Variants in ITGB5 observed in about 807,000 individuals in gnomAD.
The protein encoded by ITGB5 is integrin subunit beta 5, also known as integrin beta-5.
ITGB5 carries 38 observed loss-of-function variants against 84.8 expected under a neutral mutation model. The ratio of observed to expected loss-of-function variants is 0.45; its 90% CI spans 0.35 to 0.59. The LOEUF (loss-of-function observed/expected upper bound fraction) is 0.59. Among genes scored for constraint, ITGB5 ranks in the 20% least tolerant of loss-of-function variants. The pLI, the probability that ITGB5 is intolerant of heterozygous loss-of-function variation, is 0.01. For synonymous variants in ITGB5, 393 were observed against 414.4 expected (o/e 0.95, Z 0.63); for missense variants, 905 against 1,034.5 (o/e 0.87, Z 1.72).
chr3:124,845,947 A>C (rs2065071306), intron 4 of ITGB5, among the ~76,000 whole-genome samples: 1 of 152,268 alleles, frequency 6.6e-6, no homozygotes, highest in Admixed American at 6.5e-5. Context: ...CCTTGGAGAC[A>C]GAATCAAAGT....
At chr3:124,852,044 C>G (rs1266736747) in intron 3 of ITGB5, among the ~76,000 whole-genome samples, 1 of 152,208 alleles carries the variant, frequency 6.6e-6, no homozygotes, top group Non-Finnish European at 1.5e-5. Context: ...GAACCATGCA[C>G]GCTTAAGCAC....
At chr3:124,797,322 G>A (rs1476562944) in intron 9 of ITGB5, among the ~76,000 whole-genome samples, 1 of 152,198 alleles carries the variant, frequency 6.6e-6, no homozygotes, top group Admixed American at 6.5e-5. Flanking sequence ...GCCATAGAGA[G>A]GGCTCTGTGC....
intron 10 of ITGB5, among the ~76,000 whole-genome samples, chr3:124,794,497 T>C (rs62265639): frequency 0.091 from 13,848 of 152,128 alleles, 812 homozygotes; most frequent in South Asian, 0.2. Context: ...AACGAAAAGG[T>C]GGGCTGGGCG....
chr3:124,863,924 C>A, intron 2 of ITGB5, among the ~76,000 whole-genome samples: 1 of 138,812 alleles, frequency 7.2e-6, no homozygotes. Flanking sequence ...GGTATACAAA[C>A]ATTATAAATC....
At position 124,789,005 on chromosome 3, in the gene ITGB5, G is replaced by A. The variant is rs1041867633; in HGVS notation, c.1693+7383C>T. ...GCCCAGGAGTTCAAGACCAGCCTGGGAAACATAGGGAGACCCTGTCTCTAT... is the reference window on the plus strand; with the variant it reads ...GCCCAGGAGTTCAAGACCAGCCTGGAAAACATAGGGAGACCCTGTCTCTAT... On this transcript the variant is annotated intron_variant, in intron 10 of 14. Coordinates refer to ENST00000296181, the MANE Select transcript of ITGB5 (RefSeq NM_002213.5). Among the ~76,000 whole-genome samples, 5 of 152,272 alleles carry A rather than the reference G, an allele frequency of 3.3e-5. No homozygotes were observed. The East Asian group carries it at 7.7e-4, about 23-fold the overall frequency.
At chr3:124,785,661 C>G (rs1460743014) in intron 10 of ITGB5, among the ~76,000 whole-genome samples, 1 of 151,878 alleles carries the variant, frequency 6.6e-6, no homozygotes, top group African/African-American at 2.4e-5. Flanking sequence ...AGCCAGATAC[C>G]CACTGAATAC....
chr3:124,857,550 T>C (rs1005997461), intron 3 of ITGB5, among the ~76,000 whole-genome samples: 6 of 151,994 alleles, frequency 3.9e-5, no homozygotes, highest in South Asian at 2.1e-4. Context: ...AAATAAACCA[T>C]CTACAAATAG....
intron 7 of ITGB5, 152 bp from the exon 8 acceptor site, chr3:124,817,862 A>T: frequency 3.4e-6 from 2 of 589,600 alleles, no homozygotes; most frequent in East Asian, 6.6e-5. Context: ...TCCCACAGGG[A>T]AAAGCAAGAA....
upstream of ITGB5, among the ~76,000 whole-genome samples, chr3:124,888,837 A>C (rs1934930054): frequency 7.2e-5 from 11 of 152,224 alleles, no homozygotes; most frequent in Admixed American, 7.2e-4. Context: ...GCCCAGCTCA[A>C]GGAGTTTGGA....
At chr3:124,843,085 C>A (rs2065032076) in intron 4 of ITGB5, among the ~76,000 whole-genome samples, 1 of 152,210 alleles carries the variant, frequency 6.6e-6, no homozygotes, top group Admixed American at 6.5e-5. Context: ...TTCATGAACA[C>A]CTTGTACTTG....
chr3:124,807,853 A>C (rs2064430831), intron 9 of ITGB5, among the ~76,000 whole-genome samples: 1 of 142,216 alleles, frequency 7.0e-6, no homozygotes, highest in Non-Finnish European at 1.5e-5. Context: ...GAGGCAGGAG[A>C]ATGGCGTGAA....
intron 5 of ITGB5, among the ~76,000 whole-genome samples, chr3:124,830,278 T>C (rs991539514): frequency 4.6e-5 from 7 of 152,174 alleles, no homozygotes; most frequent in South Asian, 2.1e-4. Flanking sequence ...CCACAGTTTT[T>C]CCCTGGTCTC....
intron 5 of ITGB5, among the ~76,000 whole-genome samples, chr3:124,833,244 TG>T (rs1391991328): frequency 4.6e-5 from 7 of 152,340 alleles, no homozygotes; most frequent in Admixed American, 4.6e-4. Flanking sequence ...ATTTCTAATC[TG>T]TACTCTGTGA....
upstream of ITGB5, among the ~76,000 whole-genome samples, chr3:124,890,668 G>A (rs1315228620): frequency 2.0e-5 from 3 of 152,046 alleles, no homozygotes; most frequent in African/African-American, 4.8e-5. Flanking sequence ...AAAGTTCTGC[G>A]ATCAAACCTG....
chr3:124,855,517 T>C (rs2065211633), intron 3 of ITGB5, among the ~76,000 whole-genome samples: 1 of 152,206 alleles, frequency 6.6e-6, no homozygotes. Flanking sequence ...ATTTTCAAAA[T>C]TTTAAGAGGC....
chr3:124,852,022 G>C (rs1327424120), intron 3 of ITGB5, among the ~76,000 whole-genome samples: 1 of 152,032 alleles, frequency 6.6e-6, no homozygotes, highest in Non-Finnish European at 1.5e-5. Context: ...TCCAACTTTG[G>C]GTACACTTCC....
chr3:124,874,935 A>C (rs1320495023), intron 1 of ITGB5, among the ~76,000 whole-genome samples: 1 of 152,264 alleles, frequency 6.6e-6, no homozygotes, highest in Non-Finnish European at 1.5e-5. Context: ...GCTCTCTGGC[A>C]TCAGACTAGG....
chr3:124,830,136 G>A (rs180691377), intron 5 of ITGB5, among the ~76,000 whole-genome samples: 156 of 152,338 alleles, frequency 1.0e-3, no homozygotes, highest in Non-Finnish European at 1.8e-3. Context: ...GTTTGAGGAC[G>A]CAAGCTTCCA....
At chr3:124,792,209 C>T (rs989521365) in intron 10 of ITGB5, 2 of 152,062 alleles carry the variant, frequency 1.3e-5, no homozygotes, top group African/African-American at 4.8e-5. Context: ...TAAAGTCATT[C>T]GACTTCAAGT....
Sources: allele counts gnomAD v4.1 joint callset (sites outside exome capture counted in the v4.1 genomes callset), GRCh38; gene constraint gnomAD v4.1.1; transcripts MANE v1.5; gene names NCBI Gene and HGNC (gene_info 2026-07-23, HGNC 2026-07-21).